The following TENM3 variants were observed in gnomAD, a reference collection of about 807,000 sequenced individuals.
TENM3 encodes teneurin-3.
In TENM3, 63 loss-of-function variants were observed where a neutral mutation model predicts 255.1. That is an observed-to-expected ratio of 0.25 (90% CI 0.20 to 0.30). TENM3 has a LOEUF of 0.30. Ranked by LOEUF, TENM3 falls within the 10% of genes least tolerant of loss-of-function variation. The pLI, the probability that TENM3 is intolerant of heterozygous loss-of-function variation, is 1.00. For synonymous variants in TENM3, 1,306 were observed against 1,322.3 expected (o/e 0.99, Z 0.27); for missense variants, 2,929 against 3,461.1 (o/e 0.85, Z 3.86).
At chr4:182,797,023 T>C (rs1579550610) in intron 27 of TENM3, among the ~76,000 whole-genome samples, 1 of 152,184 alleles carries the variant, frequency 6.6e-6, no homozygotes, top group Non-Finnish European at 1.5e-5. Context: ...GCTGGGTTTC[T>C]AAAAAGAACC....
the TENM3 span, among the ~76,000 whole-genome samples, chr4:181,475,932 G>GTC: frequency 6.6e-6 from 1 of 152,204 alleles, no homozygotes; most frequent in Non-Finnish European, 1.5e-5. Flanking sequence ...CCCCGCCGAG[G>GTC]TCTCCCCTTG....
intron 4 of TENM3, among the ~76,000 whole-genome samples, chr4:182,614,393 GCCTTTC>G (rs2152436482): frequency 1.3e-5 from 2 of 152,050 alleles, no homozygotes; most frequent in South Asian, 4.2e-4. Context: ...TTACTTATCT[GCCTTTC>G]CTAGAATCAT....
At chr4:181,478,955 T>C in the TENM3 span, among the ~76,000 whole-genome samples, 1 of 152,212 alleles carries the variant, frequency 6.6e-6, no homozygotes, top group South Asian at 2.1e-4. Context: ...AAATAAGTAA[T>C]GCTTTGCACA....
chr4:182,236,672 AC>A (rs1756917757), intron 1 of TENM3, among the ~76,000 whole-genome samples: 1 of 152,224 alleles, frequency 6.6e-6, no homozygotes, highest in Admixed American at 6.5e-5. Context: ...GAATTAAGAA[AC>A]TTTTCTTGAT....
intron 1 of TENM3, among the ~76,000 whole-genome samples, chr4:182,188,615 C>T (rs1231562944): frequency 6.6e-6 from 1 of 152,094 alleles, no homozygotes; most frequent in Admixed American, 6.6e-5. Flanking sequence ...GTGAGCTATT[C>T]TGTTCTTTTG....
At chr4:182,091,343 C>A in the TENM3 span, among the ~76,000 whole-genome samples, 11 of 152,264 alleles carry the variant, frequency 7.2e-5, no homozygotes, top group Middle Eastern at 0.017. Context: ...GAATGAGTTG[C>A]AAGGGTGAAA....
chr4:182,706,144 T>G (rs887749977), intron 12 of TENM3, among the ~76,000 whole-genome samples: 11 of 152,340 alleles, frequency 7.2e-5, no homozygotes, highest in Admixed American at 2.0e-4. Flanking sequence ...CTAGTTCGCC[T>G]TACACAGGTA....
chr4:181,601,457 C>T, the TENM3 span, among the ~76,000 whole-genome samples: 46 of 152,248 alleles, frequency 3.0e-4, no homozygotes, highest in East Asian at 2.1e-3. Flanking sequence ...GGCTGGCAGA[C>T]GGTTGTCATC....
At chr4:182,650,951 A>T (rs954245142) in intron 5 of TENM3, among the ~76,000 whole-genome samples, 2 of 148,200 alleles carry the variant, frequency 1.3e-5, no homozygotes, top group African/African-American at 4.9e-5. Flanking sequence ...TATCTGGCAA[A>T]AAATAAAATA....
chr4:181,810,120 CAT>C, the TENM3 span, among the ~76,000 whole-genome samples: 6 of 152,100 alleles, frequency 3.9e-5, no homozygotes, highest in Non-Finnish European at 7.3e-5. Flanking sequence ...AATGACAATT[CAT>C]ATGAAAAGTA....
chr4:182,571,078 G>A (rs1391990443), intron 3 of TENM3, among the ~76,000 whole-genome samples: 1 of 152,036 alleles, frequency 6.6e-6, no homozygotes, highest in Admixed American at 6.6e-5. Context: ...AAATCAAACA[G>A]CTGCAAACAA....
At chr4:181,654,109 G>A in the TENM3 span, among the ~76,000 whole-genome samples, 3 of 151,690 alleles carry the variant, frequency 2.0e-5, no homozygotes, top group South Asian at 6.2e-4. Context: ...TATAAGTCTA[G>A]CTAGTCTTTT....
chr4:181,514,723 G>A, the TENM3 span, among the ~76,000 whole-genome samples: 1 of 152,186 alleles, frequency 6.6e-6, no homozygotes, highest in South Asian at 2.1e-4. Context: ...AAAACCATCT[G>A]CTTAGAAAGG....
intron 1 of TENM3, among the ~76,000 whole-genome samples, chr4:182,311,225 C>T (rs1417220815): frequency 6.6e-6 from 1 of 152,170 alleles, no homozygotes; most frequent in Non-Finnish European, 1.5e-5. Context: ...AGATTTTATC[C>T]TCTTGGTCTT....
chr4:182,029,262 C>T, the TENM3 span, among the ~76,000 whole-genome samples: 1 of 152,000 alleles, frequency 6.6e-6, no homozygotes, highest in African/African-American at 2.4e-5. Context: ...TAACATTTCC[C>T]CCTCTTGCTC....
the TENM3 span, among the ~76,000 whole-genome samples, chr4:182,081,045 T>C: frequency 2.0e-5 from 3 of 152,062 alleles, no homozygotes; most frequent in African/African-American, 7.2e-5. Flanking sequence ...CCTTTGGTAA[T>C]TTAGGAGACT....
the TENM3 span, among the ~76,000 whole-genome samples, chr4:181,970,422 C>A: frequency 6.6e-6 from 1 of 152,128 alleles, no homozygotes; most frequent in Non-Finnish European, 1.5e-5. Context: ...GAAACTTTAT[C>A]CCAACTATCA....
intron 1 of TENM3, among the ~76,000 whole-genome samples, chr4:182,212,404 C>T (rs958988859): frequency 2.0e-5 from 3 of 152,172 alleles, no homozygotes; most frequent in South Asian, 2.1e-4. Context: ...GGCAAGAACG[C>T]GCCTGGAGTC....
intron 6 of TENM3, among the ~76,000 whole-genome samples, chr4:182,664,518 A>G (rs913253819): frequency 1.3e-5 from 2 of 152,204 alleles, no homozygotes; most frequent in African/African-American, 4.8e-5. Context: ...TGAAAGGAAG[A>G]ATCACACGTC....
Sources: allele counts gnomAD v4.1 joint callset (sites outside exome capture counted in the v4.1 genomes callset), GRCh38; gene constraint gnomAD v4.1.1; transcripts MANE v1.5; gene names NCBI Gene and HGNC (gene_info 2026-07-23, HGNC 2026-07-21).